The following GCC2 variants were observed in gnomAD, a reference collection of about 807,000 sequenced individuals.
The protein encoded by GCC2 is GRIP and coiled-coil domain-containing protein 2.
In GCC2, 120 loss-of-function variants were observed where a neutral mutation model predicts 210.6. The observed-to-expected ratio is 0.57, with a 90% confidence interval of 0.49 to 0.66. GCC2 has a LOEUF of 0.66. GCC2 is among the 30% of genes least tolerant of loss of function. GCC2 has a pLI of 0.00. For missense variants in GCC2, 1,868 were observed against 1,871.9 expected, an observed-to-expected ratio of 1.00 and a Z score of 0.04; for synonymous variants, 703 against 652.7, an observed-to-expected ratio of 1.08 and a Z score of -1.17.
chr2:108,461,833 TTTC>T (rs1173178026), intron 4 of GCC2, among the ~76,000 whole-genome samples: 5 of 140,260 alleles, frequency 3.6e-5, no homozygotes, highest in African/African-American at 1.1e-4. Flanking sequence ...TTTTTTTCTT[TTTC>T]TTTTTTTTTT....
intron 22 of GCC2, among the ~76,000 whole-genome samples, chr2:108,500,697 T>C (rs1573238723): frequency 6.6e-6 from 1 of 152,236 alleles, no homozygotes; most frequent in Non-Finnish European, 1.5e-5. Flanking sequence ...TAAATTACTT[T>C]TATTTTTGAC....
chr2:108,456,414 T>C (rs954619358), intron 4 of GCC2, among the ~76,000 whole-genome samples: 1 of 152,242 alleles, frequency 6.6e-6, no homozygotes, highest in African/African-American at 2.4e-5. Context: ...CCATTCCTTA[T>C]TGTGGTTTTG....
intron 3 of GCC2, 139 bp from the exon 4 acceptor site, chr2:108,452,260 G>A: frequency 1.5e-6 from 1 of 661,126 alleles, no homozygotes; most frequent in South Asian, 1.7e-5. Context: ...GATGAGTGCA[G>A]AGATTAATCA....
At chr2:108,450,949 C>T (rs1679911609) in intron 2 of GCC2, 79 bp from the exon 3 acceptor site, 4 of 872,740 alleles carry the variant, frequency 4.6e-6, no homozygotes, top group South Asian at 3.0e-5. Flanking sequence ...TTTTTGTTTT[C>T]TAGCAGACAT....
intron 14 of GCC2, 22 bp downstream of exon 14, chr2:108,485,758 A>G: frequency 6.7e-7 from 1 of 1,493,320 alleles, no homozygotes; most frequent in South Asian, 1.2e-5. Context: ...TTTCAGTTTC[A>G]TATTTAGTAC....
intron 4 of GCC2, among the ~76,000 whole-genome samples, chr2:108,456,284 C>A (rs1421710008): frequency 2.6e-5 from 4 of 151,840 alleles, no homozygotes; most frequent in Non-Finnish European, 4.4e-5. Flanking sequence ...CGCTCCTGGC[C>A]TGAGAAATCC....
intron 9 of GCC2, among the ~76,000 whole-genome samples, chr2:108,477,631 A>G (rs1681610035): frequency 6.6e-6 from 1 of 152,236 alleles, no homozygotes; most frequent in African/African-American, 2.4e-5. Context: ...TTCACTCCAC[A>G]TACCAAAATG....
chr2:108,481,604 A>G, intron 9 of GCC2, 93 bp from the exon 10 acceptor site: 1 of 865,934 alleles, frequency 1.2e-6, no homozygotes, highest in Admixed American at 2.7e-5. Flanking sequence ...AGCATCCAGA[A>G]TGGACTCATG....
intron 22 of GCC2, among the ~76,000 whole-genome samples, chr2:108,504,478 G>A (rs1449662585): frequency 3.9e-5 from 6 of 152,138 alleles, no homozygotes; most frequent in African/African-American, 7.2e-5. Context: ...ACAACTCTGC[G>A]TTATAAGGTA....
chr2:108,499,979 T>A (rs1245150523), intron 22 of GCC2, among the ~76,000 whole-genome samples: 1 of 152,250 alleles, frequency 6.6e-6, no homozygotes, highest in Non-Finnish European at 1.5e-5. Context: ...AGTAAGTGCT[T>A]AGCTTGATCT....
In GCC2 at chr2:108,459,745, C is replaced by CTTTTTTTTTTTTTTTTTTTTTTT. The variant is rs34052393; in HGVS notation, c.216+7290_216+7312dup. ...GCCATTAGATAATGACCTTCTTTGT[C>CTTTTTTTTTTTTTTTTTTTTTTT]TTTTTTTTTTTTTTTTTTTTTTTTT... On this transcript the variant is annotated intron_variant, in intron 4 of 22. Coordinates refer to ENST00000309863, the MANE Select transcript of GCC2 (RefSeq NM_181453.4). 2.4e-3 allele frequency among the ~76,000 whole-genome samples: 65 copies of CTTTTTTTTTTTTTTTTTTTTTTT among 26,776 alleles called. 15 individuals carry two copies. Among genetic ancestry groups the CTTTTTTTTTTTTTTTTTTTTTTT allele is most frequent in the Admixed American group, 6.0e-3 (8 of 1,338 alleles). 17.6% of individuals were successfully genotyped at this position (26,776 alleles called of 152,430 possible).
Position 108,471,546 on chromosome 2 carries a change from T to C in GCC2, c.2217T>C (p.Asp739=). ...KKLQLMVEEQ[D]NLNKLLENEQ... is the part of the protein sequence containing the mutation. ...TTCAGTTAATGGTTGAAGAGCAAGA[T>C]AATTTAAATAAACTGCTTGAAAATG... Residue 739 remains aspartate, a synonymous_variant, in exon 6 of 23, where the codon GAT becomes GAC. Transcript: ENST00000309863. The C allele has an allele frequency of 1.9e-6, 3 of 1,606,880 alleles. No homozygotes were observed. The highest frequency in any genetic ancestry group is 2.5e-6 in the Non-Finnish European group (3 of 1,176,994).
chr2:108,464,010 G>A lies in GCC2; in HGVS notation c.217-4970G>A, dbSNP rs10204516. Among the ~76,000 whole-genome samples, 637 of 152,158 alleles carry A rather than the reference G, an allele frequency of 4.2e-3. 7 individuals are homozygous for A. Among genetic ancestry groups the A allele is most frequent in the African/African-American group, 0.014 (599 of 41,502 alleles). ...CTAGTCCCCTGGACATTGCTCTCAG[G>A]TACTGGTAGGGGCTGGAGCCAGGAC... is the stretch of plus-strand genomic sequence containing the variant. On this transcript the variant is annotated intron_variant, in intron 4 of 22. Transcript: ENST00000309863.
chr2:108,470,876 T>C lies in GCC2; in HGVS notation c.1547T>C (p.Val516Ala). 1 of 1,613,812 alleles carries C rather than the reference T, an allele frequency of 6.2e-7. No homozygotes were observed. Among genetic ancestry groups the C allele is most frequent in the Non-Finnish European group, 8.5e-7 (1 of 1,179,878 alleles). The change falls in exon 6 of 23, where the codon GTT (valine) becomes GCT (alanine). Residue 516 changes from valine (V) to alanine (A), a missense_variant. By Grantham distance (64) the Val-to-Ala change is moderately conservative (BLOSUM62 0). Transcript: ENST00000309863. Reference protein sequence around the residue: ...ESMKQQQASDVHELQQKLRTA... With the variant: ...ESMKQQQASDAHELQQKLRTA... ...ATGAAGCAACAGCAAGCATCTGATG[T>C]TCATGAACTGCAGCAGAAGCTCAGA...
chr2:108,479,995 A>C (rs1380899580), intron 9 of GCC2, among the ~76,000 whole-genome samples: 5 of 64,804 alleles, frequency 7.7e-5, no homozygotes, highest in Admixed American at 7.4e-4. Flanking sequence ...AAAAAAAAAA[A>C]AAAAAAAAAA....
In GCC2 at chr2:108,509,252, GTC is replaced by G. The variant is rs1442210106; in HGVS notation, c.*1626_*1627del. 7 of 152,502 alleles carry G rather than the reference GTC, an allele frequency of 4.6e-5. No individual in the cohort carries two copies. The highest frequency in any genetic ancestry group is 1.4e-4 in the African/African-American group (6 of 41,398). The allele number at this position is 152,502 out of a possible 1,614,324, so 9.4% of individuals were successfully genotyped here. On this transcript the variant is annotated 3_prime_UTR_variant, in exon 23 of 23. Transcript: ENST00000309863. Reference sequence around the variant, plus strand: ...CTGTATAAACTTGTTTTGAAATATAGTCTCTGCTTACGAATGTCATAACAAAA... The same window carrying G: ...CTGTATAAACTTGTTTTGAAATATAGTCTGCTTACGAATGTCATAACAAAA...
chr2:108,499,045 A>G (rs1265185864), intron 21 of GCC2, among the ~76,000 whole-genome samples: 2 of 116,064 alleles, frequency 1.7e-5, no homozygotes. Flanking sequence ...CTTCTGAGAC[A>G]AGAACCCCAG....
chr2:108,505,893 C>A (rs1683158399), intron 22 of GCC2, among the ~76,000 whole-genome samples: 1 of 152,140 alleles, frequency 6.6e-6, no homozygotes, highest in Non-Finnish European at 1.5e-5. Context: ...AATAAAATGG[C>A]TTTAACTCTA....
chr2:108,450,428 T>G (rs1454596816), intron 2 of GCC2, among the ~76,000 whole-genome samples: 1 of 152,236 alleles, frequency 6.6e-6, no homozygotes, highest in Non-Finnish European at 1.5e-5. Context: ...TAGCATTAGC[T>G]CCAACCTACT....
Sources: gnomAD v4.1 joint callset for allele counts (sites outside exome capture counted in the v4.1 genomes callset) on GRCh38, gnomAD v4.1.1 for gene constraint, MANE v1.5 for transcripts, NCBI Gene and HGNC (gene_info 2026-07-23, HGNC 2026-07-21) for gene names.